Variants in RELL2 observed in about 807,000 individuals in gnomAD.
RELL2 encodes the protein RELT like 2.
In RELL2, 18 loss-of-function variants were observed where a neutral mutation model predicts 27.5. The observed-to-expected ratio is 0.65, with a 90% CI of 0.45 to 0.97. The LOEUF is 0.97. Among genes scored for constraint, RELL2 ranks in the 50% least tolerant of loss-of-function variants. RELL2 has a pLI of 0.00. For synonymous variants in RELL2, 156 were observed against 147.5 expected, an observed-to-expected ratio of 1.06 and a Z score of -0.42; for missense variants, 370 against 397.5, an observed-to-expected ratio of 0.93 and a Z score of 0.59.
rs1487975984 is a variant in RELL2, at chr5:141,640,406, T to C, written c.880-6T>C. The C allele has an allele frequency of 6.2e-7, 1 of 1,614,140 alleles. No homozygotes were observed. On this transcript the variant is annotated splice_region_variant and splice_polypyrimidine_tract_variant and intron_variant, in intron 5 of 6. Transcript: ENST00000297164. ...TCTCATTGTTGACCCCTCCCCTTTCTCTCAGGTGTCTCTACCACAGGGAGC... is the reference window on the plus strand; with the variant it reads ...TCTCATTGTTGACCCCTCCCCTTTCCCTCAGGTGTCTCTACCACAGGGAGC...
At position 141,639,090 on chromosome 5, in the gene RELL2, C is replaced by T; in HGVS notation, c.317+69C>T. The T allele has an allele frequency of 7.5e-7, 1 of 1,325,408 alleles. No homozygotes were observed. Among genetic ancestry groups the T allele is most frequent in the Admixed American group, 2.0e-5 (1 of 50,198 alleles). The allele number at this position is 1,325,408 out of a possible 1,614,324, so 82.1% of individuals were successfully genotyped here. Reference sequence around the variant, plus strand: ...GAGTATCCTCTCCTCCAGCACAATCCTCTCCCAGCCTCCTTGCATGTATGG... The same window carrying T: ...GAGTATCCTCTCCTCCAGCACAATCTTCTCCCAGCCTCCTTGCATGTATGG... On this transcript the variant is annotated intron_variant, in intron 3 of 6. Coordinates refer to ENST00000297164, the MANE Select transcript of RELL2 (RefSeq NM_173828.5). This position sits in a 1 kb window ranked among gnomAD's most constrained non-coding sequence, Gnocchi z 4.4.
rs909919670 is a variant in RELL2, at chr5:141,638,050, A to C, written c.-176A>C. On this transcript the variant is annotated 5_prime_UTR_variant, in exon 1 of 7. Coordinates refer to ENST00000297164, the MANE Select transcript of RELL2 (RefSeq NM_173828.5). ...ACCTCTTGCCGAAAGGCGAAACAGCACTCCTGGCCCGGACAGCTCCCTGGT... is the reference window on the plus strand; with the variant it reads ...ACCTCTTGCCGAAAGGCGAAACAGCCCTCCTGGCCCGGACAGCTCCCTGGT... 1.7e-6 allele frequency: 1 copy of C among 579,600 alleles called. No individual in the cohort carries two copies. The highest frequency in any genetic ancestry group is 3.1e-6 in the Non-Finnish European group (1 of 326,256). 35.9% of individuals were successfully genotyped at this position (579,600 alleles called of 1,614,324 possible). A position where few individuals can be genotyped will look rare whatever the true frequency, so the allele number is the denominator to read the frequency against.
rs140243622 is a variant in RELL2, at chr5:141,639,456, C to T, written c.318-8C>T. ...GTTACCCTCACTCCCCTCCTCCCTG[C>T]TGTCCAGTGTGGATGCCACCTCCAG... On this transcript the variant is annotated splice_polypyrimidine_tract_variant and splice_region_variant and intron_variant, in intron 3 of 6. Transcript: ENST00000297164. The surrounding 1 kb of genome is among the most constrained non-coding windows in gnomAD (Gnocchi z 4.4). The T allele has an allele frequency of 3.3e-4, 525 of 1,600,704 alleles. No individual in the cohort carries two copies. In the African/African-American group the frequency reaches 6.0e-3, roughly 18 times the overall value.
In RELL2 at chr5:141,639,608, C is replaced by T; in HGVS notation, c.462C>T (p.Ser154=). 5 of 1,613,390 alleles carry T rather than the reference C, an allele frequency of 3.1e-6. No individual in the cohort carries two copies. The highest frequency in any genetic ancestry group is 4.2e-6 in the Non-Finnish European group (5 of 1,179,908). ...AGGGACGCTCCAAGGAAGGAAAAAG[C>T]CGCCCCCGGACAGGGGAGACCACTG... ...VRQGRSKEGK[S]RPRTGETTVF... is the part of the protein sequence containing the mutation. Residue 154 remains serine (S), a synonymous_variant, in exon 4 of 7, where the codon AGC becomes AGT. Coordinates refer to ENST00000297164, the MANE Select transcript of RELL2 (RefSeq NM_173828.5). This position sits in a 1 kb window ranked among gnomAD's most constrained non-coding sequence, Gnocchi z 4.4.
In RELL2 at chr5:141,639,825, A is replaced by G. The variant is rs912795656; in HGVS notation, c.504-95A>G. 2 of 1,405,486 alleles carry G rather than the reference A, an allele frequency of 1.4e-6. No homozygotes were observed. Among genetic ancestry groups the G allele is most frequent in the African/African-American group, 1.4e-5 (1 of 70,620 alleles). The allele number at this position is 1,405,486 out of a possible 1,614,324, so 87.1% of individuals were successfully genotyped here. On this transcript the variant is annotated intron_variant, in intron 4 of 6. Transcript: ENST00000297164. This position sits in a 1 kb window ranked among gnomAD's most constrained non-coding sequence, Gnocchi z 4.4. ...CCTCCCCTACCTTAGGCCAGAGGGAAGTAGCCACCAAACTCAGGATGTCCC... is the reference window on the plus strand; with the variant it reads ...CCTCCCCTACCTTAGGCCAGAGGGAGGTAGCCACCAAACTCAGGATGTCCC...
At position 141,640,314 on chromosome 5, in the gene RELL2, G is replaced by A. The variant is rs32956; in HGVS notation, c.879+19G>A. 1.2e-6 allele frequency: 2 copies of A among 1,613,740 alleles called. No individual in the cohort carries two copies. Among genetic ancestry groups the A allele is most frequent in the South Asian group, 2.2e-5 (2 of 91,060 alleles). On this transcript the variant is annotated intron_variant, in intron 5 of 6. Transcript: ENST00000297164. Reference sequence around the variant, plus strand: ...TCACCAGGTAGGAAAACACAGCCGGGACTGCACTGGGCTGGGCTCTTATTG... The same window carrying A: ...TCACCAGGTAGGAAAACACAGCCGGAACTGCACTGGGCTGGGCTCTTATTG...
Position 141,639,382 on chromosome 5 carries a change from G to A in RELL2, c.318-82G>A, listed in dbSNP as rs1358985785. The stretch of plus-strand genomic sequence containing the variant: ...AAATTGGGGCTTCTGGGGTTTTAAG[G>A]AGCATGCTGAAAGAACGTAAGAAAC... On this transcript the variant is annotated intron_variant, in intron 3 of 6. Transcript: ENST00000297164. The surrounding 1 kb of genome is among the most constrained non-coding windows in gnomAD (Gnocchi z 4.4). The A allele has an allele frequency of 4.2e-6, 5 of 1,204,312 alleles. No individual in the cohort carries two copies. The Admixed American group carries it at 9.6e-5, about 23-fold the overall frequency. 74.6% of individuals were successfully genotyped at this position (1,204,312 alleles called of 1,614,324 possible).
intron 1 of RELL2, 84 bp downstream of exon 1, chr5:141,638,493 C>A: frequency 7.5e-7 from 1 of 1,327,330 alleles, no homozygotes; most frequent in Non-Finnish European, 1.0e-6. Flanking sequence ...CAGACCCAGG[C>A]CAAATCCTGA....
chr5:141,640,615 A>G (rs2099906749), intron 6 of RELL2, 56 bp from the exon 7 acceptor site: 5 of 1,540,612 alleles, frequency 3.2e-6, no homozygotes, highest in Non-Finnish European at 3.5e-6. Flanking sequence ...CCCCAGGGGA[A>G]AAGCTGGACA....
Position 141,638,868 on chromosome 5 carries a change from T to C in RELL2, c.250+8T>C. On this transcript the variant is annotated splice_region_variant and intron_variant, in intron 2 of 6. Coordinates refer to ENST00000297164, the MANE Select transcript of RELL2 (RefSeq NM_173828.5). ...GCATCATCCAGAATGAAGGTGGGTC[T>C]AGCATAGCCCCTTGCTCCCTCTTCT... 1 of 1,613,884 alleles carries C rather than the reference T, an allele frequency of 6.2e-7. No homozygotes were observed. The highest frequency in any genetic ancestry group is 8.5e-7 in the Non-Finnish European group (1 of 1,179,722).
Position 141,640,456 on chromosome 5 carries a change from C to T in RELL2, c.*1+11C>T. On this transcript the variant is annotated intron_variant, in intron 6 of 6. Coordinates refer to ENST00000297164, the MANE Select transcript of RELL2 (RefSeq NM_173828.5). Reference sequence around the variant, plus strand: ...CAGGGAGTATGTGAGGTGAGTCTGCCTGAGCCCTAAATGAGGTAATCTCAT... The same window carrying T: ...CAGGGAGTATGTGAGGTGAGTCTGCTTGAGCCCTAAATGAGGTAATCTCAT... 1 of 1,614,138 alleles carries T rather than the reference C, an allele frequency of 6.2e-7. No homozygotes were observed. Among genetic ancestry groups the T allele is most frequent in the Non-Finnish European group, 8.5e-7 (1 of 1,180,006 alleles).
Position 141,639,488 on chromosome 5 carries a change from G to A in RELL2, c.342G>A (p.Gln114=). Residue 114 remains glutamine (Q), a synonymous_variant, in exon 4 of 7, where the codon CAG becomes CAA. Coordinates refer to ENST00000297164, the MANE Select transcript of RELL2 (RefSeq NM_173828.5). The surrounding 1 kb of genome is among the most constrained non-coding windows in gnomAD (Gnocchi z 4.4). ...GTGTGGATGCCACCTCCAGCCTGCAGGACGGAGCCCCCTCCCATCATCACA... is the reference window on the plus strand; with the variant it reads ...GTGTGGATGCCACCTCCAGCCTGCAAGACGGAGCCCCCTCCCATCATCACA... The part of the protein sequence containing the change: ...LSSVDATSSL[Q]DGAPSHHHTV... The A allele has an allele frequency of 1.9e-6, 3 of 1,613,674 alleles. No individual in the cohort carries two copies. The highest frequency in any genetic ancestry group is 2.5e-6 in the Non-Finnish European group (3 of 1,179,752).
rs1319149564 is a variant in RELL2, at chr5:141,640,947, G to C, written c.*278G>C. On this transcript the variant is annotated 3_prime_UTR_variant, in exon 7 of 7. Transcript: ENST00000297164. ...CAGCTGGGAGCAGGCCCCTGCCCGTGGTGGGCCCCTAAAGCAATAGCACCG... is the reference window on the plus strand; with the variant it reads ...CAGCTGGGAGCAGGCCCCTGCCCGTCGTGGGCCCCTAAAGCAATAGCACCG... The C allele has an allele frequency of 2.6e-5, 13 of 507,236 alleles. No homozygotes were observed. The highest frequency in any genetic ancestry group is 9.6e-5 in the African/African-American group (5 of 52,154). 31.4% of individuals were successfully genotyped at this position (507,236 alleles called of 1,614,324 possible). A position where few individuals can be genotyped will look rare whatever the true frequency, so the allele number is the denominator to read the frequency against.
chr5:141,638,698 G>A, intron 1 of RELL2, 97 bp from the exon 2 acceptor site: 1 of 1,062,544 alleles, frequency 9.4e-7, no homozygotes, highest in South Asian at 1.3e-5. Flanking sequence ...GTAGGTAAAA[G>A]GGTATGTCCT....
At position 141,640,871 on chromosome 5, in the gene RELL2, G is replaced by A. The variant is rs1480728982; in HGVS notation, c.*202G>A. 1 of 592,272 alleles carries A rather than the reference G, an allele frequency of 1.7e-6. No individual in the cohort carries two copies. The highest frequency in any genetic ancestry group is 2.8e-5 in the East Asian group (1 of 35,618). The allele number at this position is 592,272 out of a possible 1,614,324, so 36.7% of individuals were successfully genotyped here. A position where few individuals can be genotyped will look rare whatever the true frequency, so the allele number is the denominator to read the frequency against. On this transcript the variant is annotated 3_prime_UTR_variant, in exon 7 of 7. Coordinates refer to ENST00000297164, the MANE Select transcript of RELL2 (RefSeq NM_173828.5). ...TCTTCTCCTTCCCCTGCCTGCAACA[G>A]GCTGCCTGCCCCGCCTTCCCCAACA...
Position 141,638,178 on chromosome 5 carries a change from C to CCCTAAACCCAGGAGGCG in RELL2, c.-45_-29dup. On this transcript the variant is annotated 5_prime_UTR_variant, in exon 1 of 7. Coordinates refer to ENST00000297164, the MANE Select transcript of RELL2 (RefSeq NM_173828.5). Reference sequence around the variant, plus strand: ...CCCTCCCCCATTCCCAGCTGCAGCCCCCTAAACCCAGGAGGCGCCCTGGCC... The same window carrying CCCTAAACCCAGGAGGCG: ...CCCTCCCCCATTCCCAGCTGCAGCCCCCTAAACCCAGGAGGCGCCTAAACCCAGGAGGCGCCCTGGCC... The CCCTAAACCCAGGAGGCG allele has an allele frequency of 7.1e-7, 1 of 1,416,500 alleles. No individual in the cohort carries two copies. Among genetic ancestry groups the CCCTAAACCCAGGAGGCG allele is most frequent in the Non-Finnish European group, 9.8e-7 (1 of 1,017,726 alleles). 87.7% of individuals were successfully genotyped at this position (1,416,500 alleles called of 1,614,324 possible).
rs1393019702 is a variant in RELL2, at chr5:141,638,271, T to C, written c.46T>C (p.Tyr16His). 1 of 1,613,874 alleles carries C rather than the reference T, an allele frequency of 6.2e-7. No homozygotes were observed. Among genetic ancestry groups the C allele is most frequent in the Non-Finnish European group, 8.5e-7 (1 of 1,179,986 alleles). ...CCTGGAACCGCCCCAACATGGGCTA[T>C]ATATGCTCTTCCTGCTTGTGCTGGT... Reference protein sequence around the residue: ...PDLEPPQHGLYMLFLLVLVFF... With the variant: ...PDLEPPQHGLHMLFLLVLVFF... The change falls in exon 1 of 7, where the codon TAT (tyrosine) becomes CAT (histidine). Residue 16 changes from tyrosine to histidine, a missense_variant. Transcript: ENST00000297164.
intron 2 of RELL2, 44 bp from the exon 3 acceptor site, chr5:141,638,911 T>C (rs768096228): frequency 6.2e-7 from 1 of 1,612,816 alleles, no homozygotes; most frequent in South Asian, 1.1e-5. Context: ...TCTCTTGCCC[T>C]GACCTCCACC....
At position 141,638,360 on chromosome 5, in the gene RELL2, CT is replaced by C; in HGVS notation, c.136del (p.Cys46AlafsTer22). ...CHVLKKKGYR[C>X]RTSRGSEPDD... ...ACGTGCTCAAGAAGAAGGGCTACCG[CT>C]GCCGCACGTCGAGGGGCTCTGAGCC... On this transcript the variant is annotated frameshift_variant, in exon 1 of 7. Transcript: ENST00000297164. LOFTEE classifies it high-confidence loss of function. 6.2e-7 allele frequency: 1 copy of C among 1,613,832 alleles called. No homozygotes were observed. Among genetic ancestry groups the C allele is most frequent in the Non-Finnish European group, 8.5e-7 (1 of 1,179,998 alleles).
Sources: allele counts gnomAD v4.1 joint callset, GRCh38; gene constraint gnomAD v4.1.1; non-coding constraint Gnocchi (gnomAD v3.1); transcripts MANE v1.5; gene names NCBI Gene and HGNC (gene_info 2026-07-23, HGNC 2026-07-21).